Variants in ANKS1B observed in about 807,000 individuals in gnomAD.
ANKS1B encodes ankyrin repeat and sterile alpha motif domain-containing protein 1B.
ANKS1B carries 36 observed loss-of-function variants against 148.3 expected under a neutral mutation model. The observed-to-expected ratio is 0.24, with a 90% CI of 0.19 to 0.32. The LOEUF is 0.32. ANKS1B is among the 10% of genes least tolerant of loss of function. ANKS1B has a pLI of 1.00. For missense variants in ANKS1B, 1,157 were observed against 1,542.6 expected, an observed-to-expected ratio of 0.75 and a Z score of 4.19; for synonymous variants, 542 against 560.8, an observed-to-expected ratio of 0.97 and a Z score of 0.47.
chr12:99,923,458 A>T (rs2094412752), intron 1 of ANKS1B, among the ~76,000 whole-genome samples: 1 of 152,206 alleles, frequency 6.6e-6, no homozygotes. Context: ...AACAAAAGTG[A>T]CTAGTAATCA....
chr12:99,229,064 AAGAG>A (rs1217479772), intron 14 of ANKS1B, among the ~76,000 whole-genome samples: 2 of 151,976 alleles, frequency 1.3e-5, no homozygotes, highest in Admixed American at 6.6e-5. Flanking sequence ...AATTTAGAAA[AAGAG>A]AGAGCAGAAA....
chr12:99,294,074 T>G (rs897726913), intron 12 of ANKS1B, among the ~76,000 whole-genome samples: 1 of 152,188 alleles, frequency 6.6e-6, no homozygotes, highest in African/African-American at 2.4e-5. Context: ...GTAAACTGTT[T>G]GCTGGAATGC....
chr12:99,424,622 A>AAC (rs200308044), intron 11 of ANKS1B, among the ~76,000 whole-genome samples: 9,875 of 147,336 alleles, frequency 0.067, 420 homozygotes, highest in Non-Finnish European at 0.074. Context: ...AGGTAGCAGA[A>AAC]ACACACACAC....
intron 17 of ANKS1B, among the ~76,000 whole-genome samples, chr12:98,929,021 C>G (rs559108233): frequency 6.7e-6 from 1 of 150,060 alleles, no homozygotes; most frequent in Admixed American, 6.6e-5. Context: ...ATTACGTGAT[C>G]GTTATATAGA....
intron 9 of ANKS1B, among the ~76,000 whole-genome samples, chr12:99,560,786 T>C (rs1214162909): frequency 6.6e-6 from 1 of 151,988 alleles, no homozygotes; most frequent in East Asian, 1.9e-4. Flanking sequence ...TGCTGACTAT[T>C]CTGGGTGGTG....
intron 8 of ANKS1B, among the ~76,000 whole-genome samples, chr12:99,710,636 A>C (rs181702931): frequency 6.6e-6 from 1 of 152,256 alleles, no homozygotes; most frequent in Admixed American, 6.5e-5. Flanking sequence ...GCATCCTTTC[A>C]TACTTTGCCT....
chr12:99,660,084 G>A (rs1454877365), intron 8 of ANKS1B, among the ~76,000 whole-genome samples: 1 of 152,158 alleles, frequency 6.6e-6, no homozygotes, highest in African/African-American at 2.4e-5. Context: ...ATTGCCACAC[G>A]CCTTTTTGCC....
At chr12:99,826,826 G>A (rs545968927) in intron 1 of ANKS1B, among the ~76,000 whole-genome samples, 1 of 152,162 alleles carries the variant, frequency 6.6e-6, no homozygotes, top group South Asian at 2.1e-4. Flanking sequence ...AATCAAAGTT[G>A]TATGCCAGGC....
At chr12:99,646,627 C>T (rs1260882102) in intron 9 of ANKS1B, among the ~76,000 whole-genome samples, 2 of 121,644 alleles carry the variant, frequency 1.6e-5, no homozygotes, top group Non-Finnish European at 3.2e-5. Context: ...GATTCCAGCC[C>T]GGGTGACAGA....
chr12:99,494,673 T>C (rs2096586165), intron 10 of ANKS1B, among the ~76,000 whole-genome samples: 1 of 136,350 alleles, frequency 7.3e-6, no homozygotes, highest in Non-Finnish European at 1.5e-5. Context: ...GCGGAGCTTG[T>C]AGTGAGCCGA....
At chr12:99,843,795 T>C (rs1199458286) in intron 1 of ANKS1B, among the ~76,000 whole-genome samples, 1 of 152,152 alleles carries the variant, frequency 6.6e-6, no homozygotes, top group Non-Finnish European at 1.5e-5. Context: ...CTGGGTTGAA[T>C]GGTATTTCTG....
chr12:99,537,976 G>A (rs1347760343), intron 9 of ANKS1B, among the ~76,000 whole-genome samples: 1 of 152,032 alleles, frequency 6.6e-6, no homozygotes, highest in Non-Finnish European at 1.5e-5. Flanking sequence ...TCTGCATATA[G>A]ATATCCAGTT....
chr12:98,755,767 AC>A (rs2098225143), intron 25 of ANKS1B, among the ~76,000 whole-genome samples: 1 of 152,076 alleles, frequency 6.6e-6, no homozygotes, highest in South Asian at 2.1e-4. Context: ...ACTTGACATG[AC>A]CCAATATCTG....
At chr12:98,741,843 G>A (rs549294616), downstream of ANKS1B, among the ~76,000 whole-genome samples, 15 of 152,246 alleles carry the variant, frequency 9.9e-5, no homozygotes, top group East Asian at 2.9e-3. Flanking sequence ...CTTACTTGGG[G>A]GCCTTTTGAC....
intron 1 of ANKS1B, among the ~76,000 whole-genome samples, chr12:99,981,984 G>A (rs1456711209): frequency 6.6e-6 from 1 of 152,186 alleles, no homozygotes; most frequent in Middle Eastern, 3.4e-3. Flanking sequence ...AATAAAATGT[G>A]CCTTCTTAGG....
At chr12:99,733,693 G>T (rs1435769933) in intron 8 of ANKS1B, among the ~76,000 whole-genome samples, 1 of 152,188 alleles carries the variant, frequency 6.6e-6, no homozygotes, top group Non-Finnish European at 1.5e-5. Context: ...AACCCAGGAT[G>T]TTATAATTCT....
chr12:99,879,172 T>C (rs2092327237), intron 1 of ANKS1B, among the ~76,000 whole-genome samples: 1 of 152,174 alleles, frequency 6.6e-6, no homozygotes, highest in Non-Finnish European at 1.5e-5. Flanking sequence ...TGTCAGTATC[T>C]ACAGAGTTTT....
In ANKS1B at chr12:99,246,389, G is replaced by C; in HGVS notation, c.2232C>G (p.Ala744=). ...SVSKSDSDLI[A]YPSNEKTSRV... ...TTGATGTTTTCTCATTGGAAGGATA[G>C]GCAATGAGATCAGAATCAGATTTAG... The change falls in exon 13 of 27, where the codon GCC becomes GCG. Residue 744 remains alanine (A), a synonymous_variant. Coordinates refer to ENST00000683438, the MANE Select transcript of ANKS1B (RefSeq NM_001352186.2). The C allele has an allele frequency of 6.2e-7, 1 of 1,613,722 alleles. No homozygotes were observed. The highest frequency in any genetic ancestry group is 1.1e-5 in the South Asian group (1 of 91,066).
At chr12:99,833,312 G>A (rs2084321804) in intron 1 of ANKS1B, among the ~76,000 whole-genome samples, 1 of 152,216 alleles carries the variant, frequency 6.6e-6, no homozygotes, top group Non-Finnish European at 1.5e-5. Flanking sequence ...ATCAGTCAGT[G>A]TTTTAGAATA....
Sources: gnomAD v4.1 joint callset for allele counts (sites outside exome capture counted in the v4.1 genomes callset) on GRCh38, gnomAD v4.1.1 for gene constraint, MANE v1.5 for transcripts, NCBI Gene and HGNC (gene_info 2026-07-23, HGNC 2026-07-21) for gene names.